SLC7A2: variants seen among roughly 807,000 people sequenced by gnomAD.
The protein encoded by SLC7A2 is cationic amino acid transporter 2.
Under a neutral mutation model 58.9 loss-of-function variants are expected in SLC7A2, and 48 were observed. That is an observed-to-expected ratio of 0.82 (90% CI 0.65 to 1.04). The LOEUF (loss-of-function observed/expected upper bound fraction) is 1.04. Among genes scored for constraint, SLC7A2 ranks in the 50% least tolerant of loss-of-function variants. SLC7A2 has a pLI of 0.00. For synonymous variants in SLC7A2, 363 were observed against 314.5 expected, an observed-to-expected ratio of 1.15 and a Z score of -1.63; for missense variants, 1,029 against 818.8, an observed-to-expected ratio of 1.26 and a Z score of -3.13.
intron 2 of SLC7A2, chr8:17,538,979 C>T: frequency 1.3e-6 from 2 of 1,482,914 alleles, no homozygotes; most frequent in Non-Finnish European, 1.9e-6. Context: ...TTTGAAATGT[C>T]AACCTTTACT....
At chr8:17,553,561 A>G (rs1283850288) in intron 7 of SLC7A2, among the ~76,000 whole-genome samples, 1 of 152,180 alleles carries the variant, frequency 6.6e-6, no homozygotes, top group East Asian at 1.9e-4. Context: ...ACTTACGGCA[A>G]AGAGTTCAAG....
At chr8:17,529,340 G>A (rs900114265) in intron 2 of SLC7A2, among the ~76,000 whole-genome samples, 2 of 147,578 alleles carry the variant, frequency 1.4e-5, no homozygotes, top group African/African-American at 5.0e-5. Context: ...CATTTCTAGG[G>A]CTCAATTGCC....
At chr8:17,516,237 T>A (rs1243847830) in intron 2 of SLC7A2, among the ~76,000 whole-genome samples, 3 of 152,158 alleles carry the variant, frequency 2.0e-5, no homozygotes, top group South Asian at 2.1e-4. Flanking sequence ...TAATTAATTT[T>A]TTTTTTGAGA....
At chr8:17,495,845 C>T (rs1799944331), upstream of SLC7A2, among the ~76,000 whole-genome samples, 1 of 151,982 alleles carries the variant, frequency 6.6e-6, no homozygotes, top group Non-Finnish European at 1.5e-5. Flanking sequence ...CCACCACCCC[C>T]AGCCTACACT....
At chr8:17,530,081 G>A (rs1328439479) in intron 2 of SLC7A2, among the ~76,000 whole-genome samples, 1 of 152,032 alleles carries the variant, frequency 6.6e-6, no homozygotes, top group African/African-American at 2.4e-5. Context: ...GAATGAGCGG[G>A]AGGTTCTCAT....
chr8:17,548,353 AATAGTTTGCAACC>A (rs1267413981), intron 4 of SLC7A2, among the ~76,000 whole-genome samples: 5 of 152,186 alleles, frequency 3.3e-5, no homozygotes, highest in African/African-American at 1.2e-4. Context: ...AAAAAGAAAA[AATAGTTTGCAACC>A]ATTTACCTTG....
intron 8 of SLC7A2, among the ~76,000 whole-genome samples, chr8:17,557,553 G>A (rs1000478587): frequency 5.3e-5 from 8 of 152,016 alleles, no homozygotes; most frequent in South Asian, 2.1e-4. Flanking sequence ...GAGTCAGGCC[G>A]GGCACTGTGA....
In SLC7A2 at chr8:17,543,393, A is replaced by G; in HGVS notation, c.54A>G (p.Lys18=). 1 of 1,614,102 alleles carries G rather than the reference A, an allele frequency of 6.2e-7. No individual in the cohort carries two copies. Among genetic ancestry groups the G allele is most frequent in the Non-Finnish European group, 8.5e-7 (1 of 1,180,008 alleles). The change falls in exon 3 of 13, where the codon AAA becomes AAG. Residue 18 remains lysine, a synonymous_variant. Transcript: ENST00000494857. ...LTFARCLIRR[K]IVTLDSLEDT... ...TTGCCCGATGTCTGATCCGGAGAAA[A>G]ATCGTGACCCTGGACAGTCTAGAAG...
At position 17,543,414 on chromosome 8, in the gene SLC7A2, A is replaced by G. The variant is rs1451042169; in HGVS notation, c.75A>G (p.Leu25=). The change falls in exon 3 of 13, where the codon CTA becomes CTG. Residue 25 remains leucine (L), a synonymous_variant. Coordinates refer to ENST00000494857, the MANE Select transcript of SLC7A2 (RefSeq NM_001370338.1). ...IRRKIVTLDS[L]EDTKLCRCLS... ...GAAAAATCGTGACCCTGGACAGTCT[A>G]GAAGACACCAAATTATGCCGCTGCT... 2 of 1,614,036 alleles carry G rather than the reference A, an allele frequency of 1.2e-6. No homozygotes were observed. Among genetic ancestry groups the G allele is most frequent in the African/African-American group, 2.7e-5 (2 of 74,932 alleles).
chr8:17,497,078 G>C (rs1477165119), upstream of SLC7A2: 6 of 151,106 alleles, frequency 4.0e-5, no homozygotes, highest in Admixed American at 1.3e-4. Context: ...GGGCGCCCAC[G>C]TGCCCAGCCC....
chr8:17,497,448 G>A (rs1401403613), intron 1 of SLC7A2, among the ~76,000 whole-genome samples: 3 of 152,158 alleles, frequency 2.0e-5, no homozygotes, highest in Non-Finnish European at 4.4e-5. Flanking sequence ...GCCGTGGGCT[G>A]GGGCTGAAGC....
Position 17,562,073 on chromosome 8 carries a change from G to A in SLC7A2, c.1634G>A (p.Trp545Ter), listed in dbSNP as rs779133562. 13 of 1,613,532 alleles carry A rather than the reference G, an allele frequency of 8.1e-6. No individual in the cohort carries two copies. The highest frequency in any genetic ancestry group is 3.3e-5 in the Admixed American group (2 of 59,958). ...TTCGTTGCCATCGTTCTCACCATCT[G>A]GAGGCAGCCCCAGAATCAGCAAAAA... Reference protein sequence around the residue: ...VLFVAIVLTIWRQPQNQQKVA... With the variant: ...VLFVAIVLTI Residue 545 changes from tryptophan to a stop codon, truncating the protein, a stop_gained, in exon 11 of 13, where the codon TGG (tryptophan) becomes TAG (stop). Transcript: ENST00000494857. LOFTEE classifies it high-confidence loss of function.
chr8:17,512,401 G>C (rs1800641629), intron 2 of SLC7A2, among the ~76,000 whole-genome samples: 1 of 152,114 alleles, frequency 6.6e-6, no homozygotes, highest in Non-Finnish European at 1.5e-5. Flanking sequence ...ACAAAAATTA[G>C]CTGGGCATGG....
intron 4 of SLC7A2, among the ~76,000 whole-genome samples, chr8:17,547,721 C>T (rs185949617): frequency 4.6e-4 from 69 of 151,156 alleles, no homozygotes; most frequent in African/African-American, 1.7e-3. Flanking sequence ...AAGTGTAGTA[C>T]CTCAATATAG....
chr8:17,500,591 C>T (rs1353204057), intron 1 of SLC7A2: 1 of 152,134 alleles, frequency 6.6e-6, no homozygotes, highest in Non-Finnish European at 1.5e-5. Flanking sequence ...GTGTGTTCTG[C>T]CCATGTATCC....
intron 2 of SLC7A2, among the ~76,000 whole-genome samples, chr8:17,503,854 T>C (rs1021614804): frequency 2.0e-5 from 3 of 152,186 alleles, no homozygotes; most frequent in Admixed American, 6.5e-5. Context: ...TTTAATTCAG[T>C]TGTGATTTAA....
intron 10 of SLC7A2, among the ~76,000 whole-genome samples, chr8:17,561,573 A>G (rs1048938457): frequency 6.6e-6 from 1 of 152,180 alleles, no homozygotes; most frequent in Admixed American, 6.5e-5. Flanking sequence ...ACGACAGCTT[A>G]AAATAACCAG....
At chr8:17,502,778 A>G (rs928527837) in intron 2 of SLC7A2, among the ~76,000 whole-genome samples, 3 of 152,146 alleles carry the variant, frequency 2.0e-5, no homozygotes, top group East Asian at 1.9e-4. Context: ...TTTTTGTTCA[A>G]TGGACCTCAG....
chr8:17,542,327 C>G (rs908703059), intron 2 of SLC7A2, among the ~76,000 whole-genome samples: 1 of 152,128 alleles, frequency 6.6e-6, no homozygotes, highest in Non-Finnish European at 1.5e-5. Context: ...TACACATATT[C>G]CCAGCACAAT....
Sources: allele counts gnomAD v4.1 joint callset (sites outside exome capture counted in the v4.1 genomes callset), GRCh38; gene constraint gnomAD v4.1.1; transcripts MANE v1.5; gene names NCBI Gene and HGNC (gene_info 2026-07-23, HGNC 2026-07-21).